The following ZNF827 variants were observed in gnomAD, a reference collection of about 807,000 sequenced individuals.
ZNF827 encodes zinc finger protein 827.
In ZNF827, 13 loss-of-function variants were observed where a neutral mutation model predicts 102.4. The ratio of observed to expected loss-of-function variants is 0.13; its 90% confidence interval spans 0.08 to 0.20. The LOEUF (loss-of-function observed/expected upper bound fraction) is 0.20. ZNF827 is among the 10% of genes least tolerant of loss of function. The pLI is 1.00. For missense variants in ZNF827, 1,103 were observed against 1,344.4 expected (o/e 0.82, Z 2.81); for synonymous variants, 523 against 536.2 (o/e 0.98, Z 0.34).
At chr4:145,927,056 A>G (rs1753478673) in intron 1 of ZNF827, among the ~76,000 whole-genome samples, 1 of 152,172 alleles carries the variant, frequency 6.6e-6, no homozygotes, top group East Asian at 1.9e-4. Flanking sequence ...AGAAGGGAGA[A>G]ATCATATAGC....
At chr4:145,800,569 C>T (rs1740798309) in intron 8 of ZNF827, among the ~76,000 whole-genome samples, 1 of 152,136 alleles carries the variant, frequency 6.6e-6, no homozygotes, top group Non-Finnish European at 1.5e-5. Flanking sequence ...GCCACTGCAC[C>T]CAGCCTGTAC....
At chr4:145,901,286 C>T (rs559057348) in intron 2 of ZNF827, among the ~76,000 whole-genome samples, 17 of 152,198 alleles carry the variant, frequency 1.1e-4, no homozygotes, top group Non-Finnish European at 1.9e-4. Flanking sequence ...ACATCTGAAA[C>T]CCCAACACGC....
At chr4:145,776,938 T>C (rs1464005646) in intron 9 of ZNF827, among the ~76,000 whole-genome samples, 1 of 152,120 alleles carries the variant, frequency 6.6e-6, no homozygotes, top group East Asian at 1.9e-4. Context: ...ATCAAGCAAA[T>C]TAAAGTAAAA....
At position 145,902,413 on chromosome 4, in the gene ZNF827, A is replaced by T. The variant is rs138625614; in HGVS notation, c.846T>A (p.Ala282=). The change falls in exon 2 of 15, where the codon GCT becomes GCA. Residue 282 remains alanine, a synonymous_variant. Transcript: ENST00000508784. This position sits in a 1 kb window ranked among gnomAD's most constrained non-coding sequence, Gnocchi z 4.3. The part of the protein sequence containing the change: ...PPPASSFLSL[A]SMTSSAALLK... The stretch of plus-strand genomic sequence containing the variant: ...GAAGGGCCGCTGAGGAGGTCATAGA[A>T]GCCAGGGAAAGGAAGGAGCTGGCCG... 4.3e-6 allele frequency: 7 copies of T among 1,614,204 alleles called. No individual in the cohort carries two copies. Among genetic ancestry groups the T allele is most frequent in the Non-Finnish European group, 1.7e-6 (2 of 1,180,040 alleles).
At chr4:145,895,633 A>G (rs993284124) in intron 2 of ZNF827, among the ~76,000 whole-genome samples, 1 of 152,204 alleles carries the variant, frequency 6.6e-6, no homozygotes, top group Non-Finnish European at 1.5e-5. Context: ...ACTGATTTTC[A>G]CCTTTGGCCA....
intron 8 of ZNF827, among the ~76,000 whole-genome samples, chr4:145,790,237 C>A (rs1375480029): frequency 6.6e-6 from 1 of 152,082 alleles, no homozygotes; most frequent in East Asian, 1.9e-4. Flanking sequence ...AAAACATTAT[C>A]ATTGTTTGGG....
In ZNF827 at chr4:145,897,906, G is replaced by A. The variant is rs149432112; in HGVS notation, c.1093+4260C>T. On this transcript the variant is annotated intron_variant, in intron 2 of 14. Coordinates refer to ENST00000508784, the MANE Select transcript of ZNF827 (RefSeq NM_001306215.2). ...CCTGTGCTTCATGCCTGTAATCCCA[G>A]CACTTTGGGGGCCTGAGTAGGGTGG... Among the ~76,000 whole-genome samples the A allele has an allele frequency of 7.0e-3, 1,069 of 152,270 alleles. 12 individuals carry two copies. The highest frequency in any genetic ancestry group is 0.024 in the African/African-American group (1,011 of 41,552).
chr4:145,894,777 C>T (rs1291364599), intron 2 of ZNF827, among the ~76,000 whole-genome samples: 1 of 152,074 alleles, frequency 6.6e-6, no homozygotes, highest in African/African-American at 2.4e-5. Flanking sequence ...TTTTTATTAA[C>T]CCCCTGTAGC....
At chr4:145,865,077 A>C (rs558008713) in intron 5 of ZNF827, among the ~76,000 whole-genome samples, 1 of 152,322 alleles carries the variant, frequency 6.6e-6, no homozygotes, top group South Asian at 2.1e-4. Context: ...ATGGTCTTAG[A>C]TTATGTAGAG....
At position 145,938,275 on chromosome 4, in the gene ZNF827, G is replaced by C; in HGVS notation, c.43+90C>G. 4.7e-6 allele frequency: 7 copies of C among 1,502,658 alleles called. No individual in the cohort carries two copies. In the South Asian group the frequency reaches 7.9e-5, roughly 17 times the overall value. 93.1% of individuals were successfully genotyped at this position (1,502,658 alleles called of 1,614,324 possible). On this transcript the variant is annotated intron_variant, in intron 1 of 14. Transcript: ENST00000508784. ...TTCACCTCTGTAACCCTAAACTAAT[G>C]CAGAAAACAACGGAGGAGGCTGCGG... is the stretch of plus-strand genomic sequence containing the variant.
chr4:145,885,721 G>A lies in ZNF827; in HGVS notation c.1704C>T (p.Asp568=), dbSNP rs1750064613. Residue 568 remains aspartate, a synonymous_variant, in exon 4 of 15, where the codon GAC becomes GAT. Transcript: ENST00000508784. ...ANSASALFSQ[D]ISVKMASDFL... The stretch of plus-strand genomic sequence containing the variant: ...AATCAGACGCCATCTTAACAGAGAT[G>A]TCCTGGCTGAACAATGCTGACGCAC... 6.4e-7 allele frequency: 1 copy of A among 1,563,922 alleles called. No homozygotes were observed. The highest frequency in any genetic ancestry group is 8.6e-7 in the Non-Finnish European group (1 of 1,156,600).
chr4:145,830,756 A>G (rs1354195240), intron 7 of ZNF827: 2 of 152,216 alleles, frequency 1.3e-5, no homozygotes, highest in African/African-American at 4.8e-5. Flanking sequence ...GAACACTTTA[A>G]AAAATAAAAT....
Position 145,761,034 on chromosome 4 carries a change from C to T in ZNF827, c.*582G>A. 2 of 1,284,404 alleles carry T rather than the reference C, an allele frequency of 1.6e-6. No individual in the cohort carries two copies. Among genetic ancestry groups the T allele is most frequent in the Non-Finnish European group, 2.0e-6 (2 of 985,142 alleles). The allele number at this position is 1,284,404 out of a possible 1,614,324, so 79.6% of individuals were successfully genotyped here. ...GCTCTGAGCTGCTGCCGTGGGCTGC[C>T]GACAGGGCCACGGTCTGCAGAGCCT... On this transcript the variant is annotated 3_prime_UTR_variant, in exon 15 of 15. Coordinates refer to ENST00000508784, the MANE Select transcript of ZNF827 (RefSeq NM_001306215.2). The surrounding 1 kb of genome is among the most constrained non-coding windows in gnomAD (Gnocchi z 6.8).
chr4:145,836,465 G>C (rs899864344), intron 7 of ZNF827, among the ~76,000 whole-genome samples: 1 of 152,150 alleles, frequency 6.6e-6, no homozygotes, highest in South Asian at 2.1e-4. Context: ...ACTCTCTACA[G>C]TTCTCATAAC....
chr4:145,891,928 G>A (rs1750637371), intron 3 of ZNF827, among the ~76,000 whole-genome samples: 1 of 152,196 alleles, frequency 6.6e-6, no homozygotes, highest in Non-Finnish European at 1.5e-5. Context: ...CCCCAGCCCT[G>A]CCTCTGAGTG....
At position 145,774,999 on chromosome 4, in the gene ZNF827, T is replaced by C. The variant is rs113752197; in HGVS notation, c.2694-327A>G. On this transcript the variant is annotated intron_variant, in intron 10 of 14. Transcript: ENST00000508784. ...TTGATTTCCTTTGGGCAAAGAGATG[T>C]GGGGTAGCATTGCCAAGGTATTTAG... 4.9e-3 allele frequency among the ~76,000 whole-genome samples: 739 copies of C among 152,288 alleles called. 9 individuals are homozygous for C. Among genetic ancestry groups the C allele is most frequent in the African/African-American group, 0.017 (702 of 41,550 alleles).
At chr4:145,825,543 G>A (rs1055370705) in intron 7 of ZNF827, among the ~76,000 whole-genome samples, 1 of 152,190 alleles carries the variant, frequency 6.6e-6, no homozygotes, top group Non-Finnish European at 1.5e-5. Flanking sequence ...AGCGACACTT[G>A]CAGGTCGAAG....
At chr4:145,858,716 T>C (rs948202406) in intron 5 of ZNF827, among the ~76,000 whole-genome samples, 1 of 151,216 alleles carries the variant, frequency 6.6e-6, no homozygotes, top group African/African-American at 2.4e-5. Flanking sequence ...CCTGCTACCA[T>C]AAAAAATTAC....
intron 11 of ZNF827, among the ~76,000 whole-genome samples, chr4:145,768,589 C>T (rs1466114480): frequency 6.6e-6 from 1 of 151,840 alleles, no homozygotes; most frequent in Non-Finnish European, 1.5e-5. Context: ...ATGACCCCAT[C>T]GTTTTAGGTT....
Sources: allele counts gnomAD v4.1 joint callset (sites outside exome capture counted in the v4.1 genomes callset), GRCh38; gene constraint gnomAD v4.1.1; non-coding constraint Gnocchi (gnomAD v3.1); transcripts MANE v1.5; gene names NCBI Gene and HGNC (gene_info 2026-07-23, HGNC 2026-07-21).